FRMPD4: variants seen among roughly 807,000 people sequenced by gnomAD.
FRMPD4 encodes the protein FERM and PDZ domain containing 4.
In FRMPD4, 22 loss-of-function variants were observed where a neutral mutation model predicts 94.1. That is an observed-to-expected ratio of 0.23 (90% confidence interval 0.17 to 0.33). FRMPD4 has a LOEUF of 0.33. Among genes scored for constraint, FRMPD4 ranks in the 10% least tolerant of loss-of-function variants. The pLI, the probability that FRMPD4 is intolerant of heterozygous loss-of-function variation, is 1.00. For missense variants in FRMPD4, 1,111 were observed against 1,339.9 expected, an observed-to-expected ratio of 0.83 and a Z score of 2.67; for synonymous variants, 631 against 548.6, an observed-to-expected ratio of 1.15 and a Z score of -2.10.
At chrX:11,824,923 G>T (rs1408824581) in intron 1 of FRMPD4, among the ~76,000 whole-genome samples, 7 of 107,741 alleles carry the variant, frequency 6.5e-5, no homozygotes, top group Non-Finnish European at 1.3e-4. Flanking sequence ...TGATGCAATG[G>T]ACAGAGTGGT....
intron 3 of FRMPD4, among the ~76,000 whole-genome samples, chrX:12,014,301 G>A (rs2054594828): frequency 8.9e-6 from 1 of 112,236 alleles, no homozygotes; most frequent in Admixed American, 9.4e-5. Context: ...TCCATGAAGG[G>A]CCAATCTGCT....
chrX:12,307,377 C>T (rs2054957921), intron 1 of FRMPD4, among the ~76,000 whole-genome samples: 1 of 112,532 alleles, frequency 8.9e-6, no homozygotes. Context: ...TACATAAATA[C>T]ATTGTTGCAT....
intron 3 of FRMPD4, among the ~76,000 whole-genome samples, chrX:11,928,420 A>G (rs2054101677): frequency 9.0e-6 from 1 of 111,514 alleles, no homozygotes; most frequent in African/African-American, 3.3e-5. Flanking sequence ...ATATAAAACC[A>G]TCAGATCTCC....
chrX:12,389,201 C>T (rs908763448), intron 1 of FRMPD4, among the ~76,000 whole-genome samples: 12 of 109,766 alleles, frequency 1.1e-4, no homozygotes, highest in South Asian at 4.0e-4. Flanking sequence ...TGGCTGGGCG[C>T]GGTGGATCAC....
At chrX:12,459,528 T>C (rs188754941) in intron 1 of FRMPD4, among the ~76,000 whole-genome samples, 137 of 111,646 alleles carry the variant, frequency 1.2e-3, no homozygotes, top group Non-Finnish European at 1.5e-3. Flanking sequence ...ATTATAGTTT[T>C]GGCTTTCCTA....
At chrX:12,036,461 A>C (rs183580095) in intron 3 of FRMPD4, among the ~76,000 whole-genome samples, 218 of 112,283 alleles carry the variant, frequency 1.9e-3, no homozygotes, top group African/African-American at 6.9e-3. Context: ...ACAAGAAAAA[A>C]AGTGGTATCT....
At chrX:12,611,110 C>T (rs2059178916) in intron 3 of FRMPD4, among the ~76,000 whole-genome samples, 1 of 112,670 alleles carries the variant, frequency 8.9e-6, no homozygotes, top group Admixed American at 9.4e-5. Flanking sequence ...GCTGTCAACA[C>T]AGCTGAATAC....
chrX:12,410,879 G>C (rs1601911317), intron 1 of FRMPD4, among the ~76,000 whole-genome samples: 1 of 111,605 alleles, frequency 9.0e-6, no homozygotes, highest in East Asian at 2.8e-4. Context: ...TAGACTTAGA[G>C]TTCTTTTAGA....
chrX:12,632,909 G>GT (rs778845821), intron 4 of FRMPD4, among the ~76,000 whole-genome samples: 17 of 112,410 alleles, frequency 1.5e-4, no homozygotes, highest in Middle Eastern at 4.6e-3. Flanking sequence ...TTGCTAGCGT[G>GT]TTTTTTCATG....
intron 3 of FRMPD4, among the ~76,000 whole-genome samples, chrX:11,949,249 T>G: frequency 8.9e-6 from 1 of 112,239 alleles, no homozygotes; most frequent in Non-Finnish European, 1.9e-5. Flanking sequence ...GTGTGGTGTC[T>G]GGTGCATGTA....
chrX:12,025,892 G>A (rs2054658129), intron 3 of FRMPD4, among the ~76,000 whole-genome samples: 1 of 112,123 alleles, frequency 8.9e-6, no homozygotes, highest in African/African-American at 3.2e-5. Context: ...CAGAGAGGGT[G>A]CAGCTAAACC....
At chrX:11,844,387 T>C (rs760354081) in intron 1 of FRMPD4, among the ~76,000 whole-genome samples, 1 of 110,769 alleles carries the variant, frequency 9.0e-6, no homozygotes, top group Non-Finnish European at 1.9e-5. Context: ...GGATTTGTGG[T>C]TGACATTTTA....
At chrX:11,996,801 G>A (rs560715275) in intron 3 of FRMPD4, among the ~76,000 whole-genome samples, 3 of 111,910 alleles carry the variant, frequency 2.7e-5, no homozygotes, top group African/African-American at 9.7e-5. Context: ...ATGTGATGTA[G>A]TTCCGCCTTT....
chrX:12,521,506 T>A (rs1209070920), intron 2 of FRMPD4, among the ~76,000 whole-genome samples: 1 of 112,269 alleles, frequency 8.9e-6, no homozygotes, highest in African/African-American at 3.2e-5. Flanking sequence ...ATTCTCCTCC[T>A]CCACCATTAT....
At chrX:11,853,948 G>T (rs1158432073) in intron 1 of FRMPD4, among the ~76,000 whole-genome samples, 4 of 112,159 alleles carry the variant, frequency 3.6e-5, no homozygotes. Flanking sequence ...TTTCAGGCCA[G>T]TATTCTTGAT....
chrX:12,434,701 C>T (rs1312620664), intron 1 of FRMPD4, among the ~76,000 whole-genome samples: 1 of 112,151 alleles, frequency 8.9e-6, no homozygotes, highest in African/African-American at 3.2e-5. Flanking sequence ...TGGTTTAGAC[C>T]AATCAGGGCC....
chrX:12,714,633 A>G (rs1171798498), intron 14 of FRMPD4, among the ~76,000 whole-genome samples: 1 of 111,312 alleles, frequency 9.0e-6, no homozygotes, highest in Non-Finnish European at 1.9e-5. Flanking sequence ...TGGTTGGCCC[A>G]CAAAACCAAA....
At chrX:12,609,555 A>T (rs908010533) in intron 2 of FRMPD4, among the ~76,000 whole-genome samples, 166 bp from the exon 3 acceptor site, 1 of 112,120 alleles carries the variant, frequency 8.9e-6, no homozygotes, top group Non-Finnish European at 1.9e-5. Context: ...CCTGAAGCAA[A>T]ACTGGCCCAA....
At chrX:12,645,344 A>ACTC (rs2059537676) in intron 4 of FRMPD4, among the ~76,000 whole-genome samples, 2 of 75,986 alleles carry the variant, frequency 2.6e-5, no homozygotes, top group Admixed American at 3.1e-4. Flanking sequence ...TAACACTCTC[A>ACTC]CTCTTTTTTT....
Sources: allele counts gnomAD v4.1 joint callset (sites outside exome capture counted in the v4.1 genomes callset), GRCh38; gene constraint gnomAD v4.1.1; transcripts MANE v1.5; gene names NCBI Gene and HGNC (gene_info 2026-07-23, HGNC 2026-07-21).